Variants in CYP7B1 observed in about 807,000 individuals in gnomAD.
The protein encoded by CYP7B1 is cytochrome P450 7B1.
In CYP7B1, 29 loss-of-function variants were observed where a neutral mutation model predicts 42.7. The observed-to-expected ratio is 0.68, with a 90% confidence interval of 0.51 to 0.93. CYP7B1 has a LOEUF of 0.93. CYP7B1 is among the 40% of genes least tolerant of loss of function. The pLI is 0.00. For synonymous variants in CYP7B1, 235 were observed against 218.2 expected, an observed-to-expected ratio of 1.08 and a Z score of -0.68; for missense variants, 655 against 600.5, an observed-to-expected ratio of 1.09 and a Z score of -0.95.
At chr8:64,698,338 G>C (rs568600613) in intron 1 of CYP7B1, among the ~76,000 whole-genome samples, 4 of 152,018 alleles carry the variant, frequency 2.6e-5, no homozygotes, top group East Asian at 3.9e-4. Context: ...CAGCAGGGGG[G>C]GGAAAAAAAC....
intron 1 of CYP7B1, among the ~76,000 whole-genome samples, chr8:64,630,579 T>A (rs1244172782): frequency 6.6e-6 from 1 of 152,264 alleles, no homozygotes; most frequent in Non-Finnish European, 1.5e-5. Flanking sequence ...GTCAACTCTC[T>A]CTGCTTATCT....
At chr8:64,721,514 G>A (rs1585876505) in intron 1 of CYP7B1, among the ~76,000 whole-genome samples, 1 of 152,128 alleles carries the variant, frequency 6.6e-6, no homozygotes, top group African/African-American at 2.4e-5. Flanking sequence ...AAATAGGTCT[G>A]TCGCACTTTA....
chr8:64,673,386 C>G (rs1806395660), intron 1 of CYP7B1, among the ~76,000 whole-genome samples: 2 of 152,114 alleles, frequency 1.3e-5, no homozygotes, highest in Admixed American at 1.3e-4. Context: ...GGTTCCTTCC[C>G]CATTAACGAC....
chr8:64,771,122 A>G, intron 1 of CYP7B1, among the ~76,000 whole-genome samples: 1 of 120,800 alleles, frequency 8.3e-6, no homozygotes, highest in African/African-American at 3.1e-5. Context: ...GTGCAGTGGC[A>G]CAATCTCAGC....
chr8:64,669,322 G>A (rs772904831), intron 1 of CYP7B1, among the ~76,000 whole-genome samples: 6 of 150,340 alleles, frequency 4.0e-5, no homozygotes, highest in Non-Finnish European at 8.9e-5. Flanking sequence ...GAAAAGGTAC[G>A]TTACACATAA....
At chr8:64,624,367 T>G in intron 2 of CYP7B1, 36 bp downstream of exon 2, 3 of 1,587,740 alleles carry the variant, frequency 1.9e-6, no homozygotes, top group Non-Finnish European at 2.6e-6. Flanking sequence ...TGAAAAATGA[T>G]GACATATATA....
intron 5 of CYP7B1, among the ~76,000 whole-genome samples, chr8:64,597,372 G>A (rs190169906): frequency 1.3e-5 from 2 of 152,262 alleles, no homozygotes; most frequent in Non-Finnish European, 2.9e-5. Context: ...TTCCTAATTC[G>A]AGTTTCTCTT....
At position 64,698,341 on chromosome 8, in the gene CYP7B1, A is replaced by G. The variant is rs535274318; in HGVS notation, c.123-73802T>C. On this transcript the variant is annotated intron_variant, in intron 1 of 5. Transcript: ENST00000310193. ...CTTTAGCTCCAGCAGCAGGGGGGGG[A>G]AAAAAACTAAACTACGGAATTCTTT... Among the ~76,000 whole-genome samples, 216 of 150,890 alleles carry G rather than the reference A, an allele frequency of 1.4e-3. 1 individual carries two copies. The highest frequency in any genetic ancestry group is 0.011 in the South Asian group (52 of 4,760).
intron 1 of CYP7B1, among the ~76,000 whole-genome samples, chr8:64,758,416 T>C (rs768683109): frequency 1.1e-4 from 16 of 152,334 alleles, no homozygotes; most frequent in Non-Finnish European, 1.6e-4. Flanking sequence ...AAGTCTCAAA[T>C]AGTTACTAGC....
chr8:64,689,506 T>TTTTTCA (rs1491129218), intron 1 of CYP7B1, among the ~76,000 whole-genome samples: 4 of 152,250 alleles, frequency 2.6e-5, no homozygotes, highest in African/African-American at 9.6e-5. Context: ...GAAATATCCA[T>TTTTTCA]TGTTTTTATA....
chr8:64,787,906 G>A (rs556079242), intron 1 of CYP7B1, among the ~76,000 whole-genome samples: 29 of 152,236 alleles, frequency 1.9e-4, no homozygotes, highest in African/African-American at 2.6e-4. Context: ...TTTATGTGGC[G>A]GCAAGAGAGA....
chr8:64,607,724 T>C (rs1018295137), intron 4 of CYP7B1, among the ~76,000 whole-genome samples: 1 of 152,264 alleles, frequency 6.6e-6, no homozygotes, highest in Non-Finnish European at 1.5e-5. Flanking sequence ...GAGTCATTAA[T>C]GCACTTGGCT....
intron 1 of CYP7B1, among the ~76,000 whole-genome samples, chr8:64,733,526 T>C (rs1403979305): frequency 6.6e-6 from 1 of 152,154 alleles, no homozygotes; most frequent in Non-Finnish European, 1.5e-5. Context: ...GCCAATCAGT[T>C]CCACATGCAC....
At chr8:64,756,294 T>C (rs914714004) in intron 1 of CYP7B1, among the ~76,000 whole-genome samples, 1 of 152,238 alleles carries the variant, frequency 6.6e-6, no homozygotes, top group African/African-American at 2.4e-5. Context: ...AAAATGAAGT[T>C]GACTGACTAA....
intron 4 of CYP7B1, 145 bp from the exon 5 acceptor site, chr8:64,605,002 C>A (rs1805258934): frequency 8.1e-6 from 8 of 988,042 alleles, no homozygotes; most frequent in South Asian, 1.4e-5. Context: ...CAAGAGGGAG[C>A]CAAGGGTGGC....
At chr8:64,756,804 T>C (rs1807815001) in intron 1 of CYP7B1, among the ~76,000 whole-genome samples, 1 of 152,212 alleles carries the variant, frequency 6.6e-6, no homozygotes, top group African/African-American at 2.4e-5. Flanking sequence ...GACATGCTGT[T>C]TAATCTTTAT....
At position 64,779,306 on chromosome 8, in the gene CYP7B1, A is replaced by G. The variant is rs546818934; in HGVS notation, c.122+19160T>C. Among the ~76,000 whole-genome samples the G allele has an allele frequency of 1.2e-3, 178 of 152,242 alleles. 1 individual carries two copies. Among genetic ancestry groups the G allele is most frequent in the African/African-American group, 4.1e-3 (171 of 41,560 alleles). Reference sequence around the variant, plus strand: ...CCTCTATAAAATGAGGAAAGTTATCATAAGAGGATTCAATAAAATTCAATA... The same window carrying G: ...CCTCTATAAAATGAGGAAAGTTATCGTAAGAGGATTCAATAAAATTCAATA... On this transcript the variant is annotated intron_variant, in intron 1 of 5. Coordinates refer to ENST00000310193, the MANE Select transcript of CYP7B1 (RefSeq NM_004820.5).
intron 5 of CYP7B1, among the ~76,000 whole-genome samples, chr8:64,599,730 T>C (rs1805173828): frequency 6.6e-6 from 1 of 152,180 alleles, no homozygotes; most frequent in Admixed American, 6.5e-5. Flanking sequence ...GATAGAATTG[T>C]GAAACAATCT....
chr8:64,674,148 T>G (rs13260704), intron 1 of CYP7B1, among the ~76,000 whole-genome samples: 118,733 of 151,980 alleles, frequency 0.78, 46,978 homozygotes, highest in African/African-American at 0.85. Flanking sequence ...TAAAATTAAG[T>G]CTTACTAGGA....
Sources: gnomAD v4.1 joint callset for allele counts (sites outside exome capture counted in the v4.1 genomes callset) on GRCh38, gnomAD v4.1.1 for gene constraint, MANE v1.5 for transcripts, NCBI Gene and HGNC (gene_info 2026-07-23, HGNC 2026-07-21) for gene names.